Variants in GFRA1 observed in about 807,000 individuals in gnomAD.
GFRA1 encodes GDNF family receptor alpha-1.
In GFRA1, 16 loss-of-function variants were observed where a neutral mutation model predicts 51.6. The observed-to-expected ratio is 0.31, with a 90% CI of 0.21 to 0.47. The LOEUF (loss-of-function observed/expected upper bound fraction) is 0.47. Among genes scored for constraint, GFRA1 ranks in the 20% least tolerant of loss-of-function variants. The probability of loss-of-function intolerance (pLI) is 1.00; values close to 1 mark genes in which losing one functional copy is unlikely to be tolerated. For missense variants in GFRA1, 530 were observed against 594.3 expected (o/e 0.89, Z 1.13); for synonymous variants, 270 against 241.3 (o/e 1.12, Z -1.10).
rs183278709 is a variant in GFRA1, at chr10:116,151,020, A to T, written c.434-25463T>A. Among the ~76,000 whole-genome samples, 151 of 151,874 alleles carry T rather than the reference A, an allele frequency of 9.9e-4. 1 individual carries two copies. The South Asian group carries it at 0.017, about 17-fold the overall frequency. On this transcript the variant is annotated intron_variant, in intron 5 of 10. Transcript: ENST00000355422. ...TGAGCTGCACTTTTTTTTTTTTCTA[A>T]ACGGGAAAAAGGGTTAAAGAACATC...
chr10:116,218,599 C>G (rs1166191926), intron 4 of GFRA1, among the ~76,000 whole-genome samples: 1 of 152,142 alleles, frequency 6.6e-6, no homozygotes, highest in Admixed American at 6.5e-5. Context: ...GATTAGTTTT[C>G]TGTGTCTCCA....
intron 5 of GFRA1, among the ~76,000 whole-genome samples, chr10:116,200,488 T>C (rs993492741): frequency 2.0e-5 from 3 of 152,248 alleles, no homozygotes; most frequent in African/African-American, 2.4e-5. Context: ...AGTATGTAAC[T>C]CTTATGGGGT....
At chr10:116,266,202 G>C (rs1969644876) in intron 4 of GFRA1, among the ~76,000 whole-genome samples, 1 of 152,174 alleles carries the variant, frequency 6.6e-6, no homozygotes, top group African/African-American at 2.4e-5. Context: ...TTCCTTGCGA[G>C]GATTCAGCTC....
At chr10:116,106,361 T>C (rs1450654214) in intron 6 of GFRA1, among the ~76,000 whole-genome samples, 2 of 152,242 alleles carry the variant, frequency 1.3e-5, no homozygotes, top group African/African-American at 4.8e-5. Flanking sequence ...CTTGAACATG[T>C]ACTAGGACTT....
At chr10:116,179,107 G>A (rs1012807748) in intron 5 of GFRA1, among the ~76,000 whole-genome samples, 2 of 152,276 alleles carry the variant, frequency 1.3e-5, no homozygotes, top group East Asian at 1.9e-4. Flanking sequence ...TAGTCCAGAC[G>A]AGAAGACCAA....
At chr10:116,182,403 CTT>C (rs1333235555) in intron 5 of GFRA1, among the ~76,000 whole-genome samples, 2 of 152,170 alleles carry the variant, frequency 1.3e-5, no homozygotes, top group African/African-American at 4.8e-5. Context: ...GAATATTACT[CTT>C]TTTGTAATCA....
chr10:116,196,286 G>A (rs926123548), intron 5 of GFRA1, among the ~76,000 whole-genome samples: 12 of 150,920 alleles, frequency 8.0e-5, no homozygotes, highest in South Asian at 2.1e-4. Flanking sequence ...TCAGGAGCTC[G>A]AGACCAACCT....
intron 5 of GFRA1, among the ~76,000 whole-genome samples, chr10:116,126,127 C>G (rs1163614390): frequency 1.3e-5 from 2 of 152,234 alleles, no homozygotes; most frequent in African/African-American, 4.8e-5. Flanking sequence ...TAAATTTTAG[C>G]TCGCAGGGCG....
At chr10:116,219,621 C>T (rs1253372893) in intron 4 of GFRA1, among the ~76,000 whole-genome samples, 5 of 152,132 alleles carry the variant, frequency 3.3e-5, no homozygotes, top group Admixed American at 3.3e-4. Context: ...AGAGCCTAAA[C>T]AAAAGAAGCT....
At chr10:116,099,193 G>A (rs1341672394) in intron 6 of GFRA1, among the ~76,000 whole-genome samples, 1 of 152,186 alleles carries the variant, frequency 6.6e-6, no homozygotes, top group Non-Finnish European at 1.5e-5. Context: ...TGGTGAGTTG[G>A]TACAATTTCA....
At chr10:116,237,574 C>CAAAAAAAAAAAAAA (rs5788145) in intron 4 of GFRA1, among the ~76,000 whole-genome samples, 1 of 112,592 alleles carries the variant, frequency 8.9e-6, no homozygotes, top group Non-Finnish European at 1.9e-5. Context: ...AAACTAAAGG[C>CAAAAAAAAAAAAAA]AAAAAAAAAA....
chr10:116,150,755 T>C (rs1376925624), intron 5 of GFRA1, among the ~76,000 whole-genome samples: 1 of 152,182 alleles, frequency 6.6e-6, no homozygotes, highest in African/African-American at 2.4e-5. Flanking sequence ...TGCCAAATCC[T>C]AGAAAATGTA....
Position 116,254,334 on chromosome 10 carries a change from AAG to A in GFRA1, c.418+15167_418+15168del, listed in dbSNP as rs1491021374. Among the ~76,000 whole-genome samples the A allele has an allele frequency of 6.7e-3, 786 of 117,902 alleles. 5 individuals are homozygous for A. Among genetic ancestry groups the A allele is most frequent in the African/African-American group, 0.02 (658 of 32,528 alleles). The allele number at this position is 117,902 out of a possible 152,430, so 77.3% of individuals were successfully genotyped here. On this transcript the variant is annotated intron_variant, in intron 4 of 10. Coordinates refer to ENST00000355422, the MANE Select transcript of GFRA1 (RefSeq NM_005264.8). ...GAGCCTCTGTCAAAAAAAAAAAAAA[AAG>A]AAAGAAAGAAAGAAAAGAAAAGAAA... is the stretch of plus-strand genomic sequence containing the variant.
rs575110416 is a variant in GFRA1, at chr10:116,235,968, A to C, written c.419-24323T>G. Among the ~76,000 whole-genome samples the C allele has an allele frequency of 2.0e-5, 3 of 152,278 alleles. No homozygotes were observed. The East Asian group carries it at 5.8e-4, about 30-fold the overall frequency. On this transcript the variant is annotated intron_variant, in intron 4 of 10. Coordinates refer to ENST00000355422, the MANE Select transcript of GFRA1 (RefSeq NM_005264.8). ...TAATTTTCCATTGTTTTAGCCACCC[A>C]GTTTATGGTACTTTGTTATGGCAGC...
rs1954830182 is a variant in GFRA1, at chr10:116,061,764, G to A, written c.*2634C>T. On this transcript the variant is annotated 3_prime_UTR_variant, in exon 11 of 11. Transcript: ENST00000355422. Reference sequence around the variant, plus strand: ...AGTAGCGAATCATTTTTGCTTTTAAGCACGCCAAGAAGAAGTGAGACAGGT... The same window carrying A: ...AGTAGCGAATCATTTTTGCTTTTAAACACGCCAAGAAGAAGTGAGACAGGT... 1 of 381,030 alleles carries A rather than the reference G, an allele frequency of 2.6e-6. No homozygotes were observed. The highest frequency in any genetic ancestry group is 4.6e-6 in the Non-Finnish European group (1 of 215,310). The allele number at this position is 381,030 out of a possible 1,614,324, so 23.6% of individuals were successfully genotyped here.
chr10:116,268,411 A>G (rs1289681638), intron 4 of GFRA1, among the ~76,000 whole-genome samples: 1 of 152,232 alleles, frequency 6.6e-6, no homozygotes, highest in Non-Finnish European at 1.5e-5. Flanking sequence ...GTTCCTGGCT[A>G]TCTCTAAGAT....
intron 5 of GFRA1, among the ~76,000 whole-genome samples, chr10:116,151,713 T>C (rs1959071567): frequency 6.6e-6 from 1 of 152,024 alleles, no homozygotes; most frequent in South Asian, 2.1e-4. Context: ...CACCACACAG[T>C]GAAGACCTGG....
chr10:116,225,561 C>G (rs7913011), intron 4 of GFRA1, among the ~76,000 whole-genome samples: 92,970 of 120,102 alleles, frequency 0.77, 35,805 homozygotes, highest in East Asian at 0.84. Flanking sequence ...AAAAAAAAAA[C>G]TAAAATGATA....
At chr10:116,130,193 TA>T (rs1488509131) in intron 5 of GFRA1, among the ~76,000 whole-genome samples, 20 of 151,832 alleles carry the variant, frequency 1.3e-4, no homozygotes, top group African/African-American at 4.8e-4. Flanking sequence ...TGGAAATATA[TA>T]CCATGTTCAT....
Sources: gnomAD v4.1 joint callset for allele counts (sites outside exome capture counted in the v4.1 genomes callset) on GRCh38, gnomAD v4.1.1 for gene constraint, MANE v1.5 for transcripts, NCBI Gene and HGNC (gene_info 2026-07-23, HGNC 2026-07-21) for gene names.